CNTN1: variants seen among roughly 807,000 people sequenced by gnomAD.
The protein encoded by CNTN1 is contactin 1, also known as contactin-1.
Under a neutral mutation model 126.4 loss-of-function variants are expected in CNTN1, and 38 were observed. The observed-to-expected ratio is 0.30, with a 90% CI of 0.23 to 0.39. The LOEUF is 0.39. CNTN1 is among the 10% of genes least tolerant of loss of function. The probability of loss-of-function intolerance (pLI) is 1.00; values close to 1 mark genes in which losing one functional copy is unlikely to be tolerated. For missense variants in CNTN1, 1,009 were observed against 1,248.4 expected, an observed-to-expected ratio of 0.81 and a Z score of 2.89; for synonymous variants, 413 against 422.6, an observed-to-expected ratio of 0.98 and a Z score of 0.28.
chr12:40,710,114 G>C (rs1002900452), intron 1 of CNTN1, among the ~76,000 whole-genome samples: 23 of 152,056 alleles, frequency 1.5e-4, no homozygotes, highest in Admixed American at 1.5e-3. Context: ...AACACTTGGA[G>C]GCCATTTTAT....
At position 41,007,218 on chromosome 12, in the gene CNTN1, C is replaced by A. The variant is rs547549339; in HGVS notation, c.2114-7010C>A. ...GGGACTACAGGCGCCCGCCACTACG[C>A]CCGGCTAATTTTTTTGTATTTTTAG... is the stretch of plus-strand genomic sequence containing the variant. On this transcript the variant is annotated intron_variant, in intron 17 of 23. Coordinates refer to ENST00000551295, the MANE Select transcript of CNTN1 (RefSeq NM_001843.4). Among the ~76,000 whole-genome samples, 4 of 151,546 alleles carry A rather than the reference C, an allele frequency of 2.6e-5. No homozygotes were observed. In the East Asian group the frequency reaches 5.8e-4, roughly 22 times the overall value.
intron 23 of CNTN1, among the ~76,000 whole-genome samples, chr12:41,030,327 C>T (rs1311637323): frequency 9.2e-5 from 14 of 151,958 alleles, no homozygotes; most frequent in Non-Finnish European, 7.4e-5. Flanking sequence ...CAATTGTATG[C>T]CATGTTTTTG....
chr12:40,970,706 C>T (rs1292606771), intron 15 of CNTN1, among the ~76,000 whole-genome samples: 1 of 152,122 alleles, frequency 6.6e-6, no homozygotes, highest in East Asian at 1.9e-4. Context: ...TTAATATACA[C>T]ATACTGCTGT....
At chr12:41,042,822 A>G (rs566928073) in intron 23 of CNTN1, among the ~76,000 whole-genome samples, 3,335 of 152,168 alleles carry the variant, frequency 0.022, 119 homozygotes, top group African/African-American at 0.076. Context: ...ATGGAACAGA[A>G]CAGAGCCCTC....
intron 23 of CNTN1, among the ~76,000 whole-genome samples, chr12:41,045,109 C>A (rs1009846644): frequency 2.0e-5 from 3 of 151,924 alleles, no homozygotes; most frequent in Non-Finnish European, 4.4e-5. Context: ...GATATCTATT[C>A]TTTACACTCA....
At chr12:41,046,876 T>G (rs1327443188) in intron 23 of CNTN1, among the ~76,000 whole-genome samples, 2 of 147,220 alleles carry the variant, frequency 1.4e-5, no homozygotes, top group Non-Finnish European at 3.0e-5. Context: ...TTGTCCTTCA[T>G]TCATCCTCAT....
chr12:40,843,756 AATATG>A (rs1462497007), intron 1 of CNTN1, among the ~76,000 whole-genome samples: 1 of 152,206 alleles, frequency 6.6e-6, no homozygotes, highest in Non-Finnish European at 1.5e-5. Context: ...GACCAAAAAG[AATATG>A]TCTGGTTGGG....
intron 1 of CNTN1, chr12:40,762,964 G>A (rs1258452121): frequency 6.6e-6 from 1 of 152,212 alleles, no homozygotes; most frequent in East Asian, 1.9e-4. Flanking sequence ...GGGTCATGGG[G>A]CAGGAGCCCT....
chr12:40,798,089 A>G (rs548081252), intron 1 of CNTN1, among the ~76,000 whole-genome samples: 17 of 152,134 alleles, frequency 1.1e-4, no homozygotes, highest in Non-Finnish European at 1.9e-4. Context: ...ATGTTATTAG[A>G]GTGGATGAAA....
chr12:40,876,354 AAC>A (rs1201534976), intron 1 of CNTN1, among the ~76,000 whole-genome samples: 1 of 152,144 alleles, frequency 6.6e-6, no homozygotes. Context: ...AAACCAAAGT[AAC>A]AAGAATGCTT....
intron 1 of CNTN1, among the ~76,000 whole-genome samples, chr12:40,764,142 G>A (rs1040473517): frequency 1.7e-4 from 26 of 152,160 alleles, no homozygotes; most frequent in Non-Finnish European, 3.2e-4. Context: ...TAGAGGGAGT[G>A]TGGAGAAATG....
At chr12:40,744,877 T>C (rs1212078016) in intron 1 of CNTN1, among the ~76,000 whole-genome samples, 1 of 152,154 alleles carries the variant, frequency 6.6e-6, no homozygotes, top group African/African-American at 2.4e-5. Flanking sequence ...ATAAAATTAC[T>C]GTTTTGGAGA....
At chr12:41,049,048 C>T (rs1329214497) in intron 23 of CNTN1, among the ~76,000 whole-genome samples, 1 of 152,156 alleles carries the variant, frequency 6.6e-6, no homozygotes, top group African/African-American at 2.4e-5. Context: ...CTCAGCAGCA[C>T]TGATGCATAT....
intron 15 of CNTN1, among the ~76,000 whole-genome samples, chr12:40,979,766 G>T (rs1947772081): frequency 6.6e-6 from 1 of 151,946 alleles, no homozygotes; most frequent in Non-Finnish European, 1.5e-5. Context: ...GCTCTTCAAA[G>T]CCCAAAAAGT....
chr12:40,868,879 T>TAA (rs921302099), intron 1 of CNTN1, among the ~76,000 whole-genome samples: 1 of 152,116 alleles, frequency 6.6e-6, no homozygotes, highest in Non-Finnish European at 1.5e-5. Flanking sequence ...ATAGATGCTT[T>TAA]AAAAAGAGTT....
intron 1 of CNTN1, among the ~76,000 whole-genome samples, chr12:40,769,047 G>A (rs1939232380): frequency 6.6e-6 from 1 of 152,070 alleles, no homozygotes; most frequent in African/African-American, 2.4e-5. Flanking sequence ...CCAAAGCAGG[G>A]TCTACAGAAG....
At chr12:40,693,320 G>A (rs1941352072) in intron 1 of CNTN1, among the ~76,000 whole-genome samples, 1 of 152,190 alleles carries the variant, frequency 6.6e-6, no homozygotes, top group South Asian at 2.1e-4. Context: ...TTCACACCTA[G>A]TTTCTGAAAG....
At chr12:40,898,558 T>C (rs1189298032) in intron 1 of CNTN1, among the ~76,000 whole-genome samples, 3 of 152,136 alleles carry the variant, frequency 2.0e-5, no homozygotes, top group Non-Finnish European at 2.9e-5. Context: ...AATTCTCTTA[T>C]GTTCTTTCTA....
chr12:40,822,731 A>G (rs1941492075), intron 1 of CNTN1, among the ~76,000 whole-genome samples: 1 of 152,188 alleles, frequency 6.6e-6, no homozygotes, highest in African/African-American at 2.4e-5. Context: ...AGAATAAGGT[A>G]ATAGCATCTT....
Sources: allele counts gnomAD v4.1 joint callset (sites outside exome capture counted in the v4.1 genomes callset), GRCh38; gene constraint gnomAD v4.1.1; transcripts MANE v1.5; gene names NCBI Gene and HGNC (gene_info 2026-07-23, HGNC 2026-07-21).